The following SMYD3 variants were observed in gnomAD, a reference collection of about 807,000 sequenced individuals.
The protein encoded by SMYD3 is histone-lysine N-methyltransferase SMYD3.
Under a neutral mutation model 57.7 loss-of-function variants are expected in SMYD3, and 36 were observed. The ratio of observed to expected loss-of-function variants is 0.62; its 90% CI spans 0.48 to 0.82. The LOEUF (loss-of-function observed/expected upper bound fraction) is 0.82, where lower values mean the gene tolerates loss of function less well. SMYD3 is among the 40% of genes least tolerant of loss of function. SMYD3 has a pLI of 0.00. For missense variants in SMYD3, 515 were observed against 538.8 expected, an observed-to-expected ratio of 0.96 and a Z score of 0.44; for synonymous variants, 211 against 195.0, an observed-to-expected ratio of 1.08 and a Z score of -0.68.
At chr1:245,993,699 G>T (rs1291388348) in intron 5 of SMYD3, among the ~76,000 whole-genome samples, 1 of 152,094 alleles carries the variant, frequency 6.6e-6, no homozygotes, top group Non-Finnish European at 1.5e-5. Context: ...GACCTAGAGT[G>T]GTCAAACTTA....
chr1:246,070,782 C>A (rs2148381059), intron 5 of SMYD3, among the ~76,000 whole-genome samples: 1 of 152,276 alleles, frequency 6.6e-6, no homozygotes, highest in South Asian at 2.1e-4. Context: ...TTATCGCCTG[C>A]AAATGCTTAA....
At chr1:245,947,421 G>A (rs771447425) in intron 5 of SMYD3, 32 of 456,800 alleles carry the variant, frequency 7.0e-5, no homozygotes, top group Admixed American at 1.6e-4. Flanking sequence ...CCCCCAAAAC[G>A]AACCCAATTG....
At chr1:246,082,485 C>A (rs1196315111) in intron 5 of SMYD3, among the ~76,000 whole-genome samples, 2 of 152,120 alleles carry the variant, frequency 1.3e-5, no homozygotes, top group Non-Finnish European at 2.9e-5. Context: ...GTTTCCTACC[C>A]TCCTATGATT....
At chr1:246,170,320 T>C (rs1022855560) in intron 5 of SMYD3, among the ~76,000 whole-genome samples, 4 of 151,996 alleles carry the variant, frequency 2.6e-5, no homozygotes, top group Non-Finnish European at 4.4e-5. Flanking sequence ...GCAGCATGGT[T>C]AGTTTCCATA....
chr1:246,205,029 C>T (rs1173622229), intron 5 of SMYD3, among the ~76,000 whole-genome samples: 1 of 152,060 alleles, frequency 6.6e-6, no homozygotes, highest in Non-Finnish European at 1.5e-5. Flanking sequence ...GAGGGGGTTC[C>T]TTTGAACCCA....
chr1:246,497,592 G>A (rs1335053585), intron 1 of SMYD3, among the ~76,000 whole-genome samples: 2 of 152,300 alleles, frequency 1.3e-5, no homozygotes, highest in East Asian at 3.9e-4. Context: ...GCTACAGATG[G>A]TAGCATATAC....
At chr1:246,470,700 C>CAT (rs1019167880) in intron 1 of SMYD3, among the ~76,000 whole-genome samples, 21 of 149,930 alleles carry the variant, frequency 1.4e-4, no homozygotes, top group Middle Eastern at 3.5e-3. Flanking sequence ...TATGTATGTG[C>CAT]ATATATATAT....
chr1:246,301,934 C>T (rs1426144597), intron 5 of SMYD3, among the ~76,000 whole-genome samples: 1 of 152,172 alleles, frequency 6.6e-6, no homozygotes, highest in African/African-American at 2.4e-5. Flanking sequence ...CTAGCACTCA[C>T]TCCTCATATT....
intron 7 of SMYD3, among the ~76,000 whole-genome samples, chr1:245,927,168 A>G (rs902523597): frequency 6.6e-6 from 1 of 152,230 alleles, no homozygotes; most frequent in African/African-American, 2.4e-5. Context: ...GGGTTCTGGA[A>G]AGTAGAAATA....
At chr1:246,233,039 G>C (rs1282593826) in intron 5 of SMYD3, among the ~76,000 whole-genome samples, 1 of 130,518 alleles carries the variant, frequency 7.7e-6, no homozygotes, top group African/African-American at 2.8e-5. Context: ...ATACCACACA[G>C]GGGAGAAGCA....
chr1:245,927,046 T>A (rs2056421718), intron 7 of SMYD3, among the ~76,000 whole-genome samples: 1 of 152,250 alleles, frequency 6.6e-6, no homozygotes, highest in African/African-American at 2.4e-5. Context: ...ATATGGTACC[T>A]CTGAGTTGAG....
rs1315246989 is a variant in SMYD3, at chr1:246,327,085, A to T, written c.531+116T>A. ...CTCACTATGATAAGGAAGTAATATA[A>T]GGCATTAAGGGTCTTGAATTTCCTG... On this transcript the variant is annotated intron_variant, in intron 5 of 11. Transcript: ENST00000490107. The T allele has an allele frequency of 2.5e-6, 3 of 1,177,236 alleles. No individual in the cohort carries two copies. The Admixed American group carries it at 5.8e-5, about 23-fold the overall frequency. 72.9% of individuals were successfully genotyped at this position (1,177,236 alleles called of 1,614,324 possible).
intron 1 of SMYD3, among the ~76,000 whole-genome samples, chr1:246,361,907 G>A (rs532183463): frequency 6.6e-6 from 1 of 152,116 alleles, no homozygotes; most frequent in South Asian, 2.1e-4. Flanking sequence ...GCTTATTCAT[G>A]CAACCAAACA....
At chr1:246,138,462 G>C (rs1232417834) in intron 5 of SMYD3, among the ~76,000 whole-genome samples, 1 of 144,284 alleles carries the variant, frequency 6.9e-6, no homozygotes, top group African/African-American at 2.5e-5. Flanking sequence ...GTCTCGCTCT[G>C]TCGCCCAGGC....
intron 1 of SMYD3, among the ~76,000 whole-genome samples, chr1:246,462,976 T>C (rs1572522071): frequency 6.6e-6 from 1 of 151,936 alleles, no homozygotes; most frequent in African/African-American, 2.4e-5. Flanking sequence ...AACTGTGTAG[T>C]AGGCATGGAA....
chr1:245,951,321 T>TCACGCCTGTAATCCAG (rs11272917), intron 5 of SMYD3, among the ~76,000 whole-genome samples: 1 of 146,966 alleles, frequency 6.8e-6, no homozygotes, highest in African/African-American at 2.6e-5. Flanking sequence ...TCGTCGTGGC[T>TCACGCCTGTAATCCAG]CACTTTGGGA....
At chr1:245,912,369 A>G (rs1220238505) in intron 8 of SMYD3, among the ~76,000 whole-genome samples, 1 of 152,144 alleles carries the variant, frequency 6.6e-6, no homozygotes, top group Non-Finnish European at 1.5e-5. Context: ...AGAGAACACA[A>G]ATGGAAAGGC....
chr1:245,834,508 T>C (rs2050006487), intron 10 of SMYD3, among the ~76,000 whole-genome samples: 1 of 152,218 alleles, frequency 6.6e-6, no homozygotes, highest in Non-Finnish European at 1.5e-5. Context: ...CCAGGACTCA[T>C]ACCTGACTCT....
intron 10 of SMYD3, among the ~76,000 whole-genome samples, chr1:245,765,722 G>A (rs1302276358): frequency 1.3e-5 from 2 of 152,066 alleles, no homozygotes; most frequent in Non-Finnish European, 1.5e-5. Context: ...CAGAGAGAAC[G>A]AGCAAGGGCA....
Sources: allele counts gnomAD v4.1 joint callset (sites outside exome capture counted in the v4.1 genomes callset), GRCh38; gene constraint gnomAD v4.1.1; transcripts MANE v1.5; gene names NCBI Gene and HGNC (gene_info 2026-07-23, HGNC 2026-07-21).